Variants in SVIL observed in about 807,000 individuals in gnomAD.
SVIL encodes archvillin.
In SVIL, 101 loss-of-function variants were observed where a neutral mutation model predicts 240.4. The observed-to-expected ratio is 0.42, with a 90% CI of 0.36 to 0.50. The LOEUF (loss-of-function observed/expected upper bound fraction) is 0.50. SVIL is among the 20% of genes least tolerant of loss of function. The pLI is 0.01. For synonymous variants in SVIL, 999 were observed against 1,100.0 expected (o/e 0.91, Z 1.82); for missense variants, 2,512 against 2,818.7 (o/e 0.89, Z 2.46).
Position 29,634,950 on chromosome 10 carries a change from G to A in SVIL, c.-731C>T, listed in dbSNP as rs1403040818. 6.6e-6 allele frequency: 1 copy of A among 152,174 alleles called. No individual in the cohort carries two copies. The highest frequency in any genetic ancestry group is 1.5e-5 in the Non-Finnish European group (1 of 68,054). 9.4% of individuals were successfully genotyped at this position (152,174 alleles called of 1,614,324 possible). A position where few individuals can be genotyped will look rare whatever the true frequency, so the allele number is the denominator to read the frequency against. On this transcript the variant is annotated 5_prime_UTR_variant, in exon 1 of 38. Coordinates refer to ENST00000355867, the MANE Select transcript of SVIL (RefSeq NM_021738.3). ...TGAAACCTGAGGACACTTCAGCCTG[G>A]GGAGGACGCAGTCAGAGCAGTGAAG... is the stretch of plus-strand genomic sequence containing the variant.
chr10:29,586,893 G>C (rs939836326), intron 1 of SVIL, among the ~76,000 whole-genome samples: 1 of 152,196 alleles, frequency 6.6e-6, no homozygotes, highest in South Asian at 2.1e-4. Flanking sequence ...GCCTTTCGCA[G>C]GGTGGAGGGT....
At chr10:29,643,725 G>A (rs1174879362) in intron 3 of SVIL, among the ~76,000 whole-genome samples, 1 of 152,042 alleles carries the variant, frequency 6.6e-6, no homozygotes, top group East Asian at 1.9e-4. Flanking sequence ...AAAGCTTTTG[G>A]AGAACTTTAC....
intron 1 of SVIL, among the ~76,000 whole-genome samples, chr10:29,603,528 T>TTATGA (rs111320216): frequency 0.44 from 66,717 of 151,658 alleles, 15,819 homozygotes; most frequent in Non-Finnish European, 0.52. Context: ...CTCCCAAGAA[T>TTATGA]TATAATTTAT....
intron 1 of SVIL, among the ~76,000 whole-genome samples, chr10:29,721,112 T>C (rs1462785924): frequency 6.6e-6 from 1 of 152,152 alleles, no homozygotes; most frequent in Non-Finnish European, 1.5e-5. Context: ...CCTCCCAAAG[T>C]GCTAAGATTA....
In SVIL at chr10:29,681,406, GGTGT is replaced by G. The variant is rs55839039; in HGVS notation, c.-301+5143_-301+5146del. Among the ~76,000 whole-genome samples, 250 of 134,976 alleles carry G rather than the reference GGTGT, an allele frequency of 1.9e-3. 1 individual carries two copies. The highest frequency in any genetic ancestry group is 5.5e-3 in the African/African-American group (195 of 35,580). 88.5% of individuals were successfully genotyped at this position (134,976 alleles called of 152,430 possible). A position where few individuals can be genotyped will look rare whatever the true frequency, so the allele number is the denominator to read the frequency against. Reference sequence around the variant, plus strand: ...GCATGATGACCTCTAAAGATGGAATGGTGTGTGTGTGTGTGTGTGTGTGTGTGTG... The same window carrying G: ...GCATGATGACCTCTAAAGATGGAATGGTGTGTGTGTGTGTGTGTGTGTGTG... On this transcript the variant is annotated intron_variant, in intron 2 of 35. Coordinates refer to the SVIL transcript ENST00000375400.
At chr10:29,697,164 C>G (rs1194553789) in intron 1 of SVIL, among the ~76,000 whole-genome samples, 2 of 90,374 alleles carry the variant, frequency 2.2e-5, no homozygotes, top group Non-Finnish European at 2.3e-5. Flanking sequence ...CGCCCCCTCC[C>G]GGCCAGCCGC....
chr10:29,519,361 C>T (rs540525265), intron 16 of SVIL, among the ~76,000 whole-genome samples: 8 of 152,158 alleles, frequency 5.3e-5, no homozygotes, highest in Admixed American at 2.6e-4. Flanking sequence ...TGGAGGCTAC[C>T]GGAGCCGAAT....
rs1945425686 is a variant in SVIL at position 29,470,364 on chromosome 10, T to G, written c.5755A>C (p.Lys1919Gln). The stretch of plus-strand genomic sequence containing the variant: ...CCGTGCCACAGGTAGATGAGGGCCT[T>G]GTTGACGTTAAGCACCACCATGGAA... ...RTSMVVLNVN[K>Q]ALIYLWHGCK... The change falls in exon 32 of 38, where the codon AAG (lysine) becomes CAG (glutamine). Residue 1919 changes from lysine (K) to glutamine (Q), a missense_variant. This residue lies in a region of SVIL where 797 missense variants were observed against 925.3 expected (regional missense o/e 0.86). Coordinates refer to ENST00000355867, the MANE Select transcript of SVIL (RefSeq NM_021738.3). The G allele has an allele frequency of 6.2e-7, 1 of 1,614,178 alleles. No homozygotes were observed. The highest frequency in any genetic ancestry group is 8.5e-7 in the Non-Finnish European group (1 of 1,180,024).
chr10:29,493,525 C>T, intron 20 of SVIL, 134 bp from the exon 21 acceptor site: 2 of 956,978 alleles, frequency 2.1e-6, no homozygotes, highest in Non-Finnish European at 3.1e-6. Context: ...TATACAGGGT[C>T]CTGTGGTTGC....
At position 29,523,958 on chromosome 10, in the gene SVIL, C is replaced by CATACATTGGCATA; in HGVS notation, c.2655_2656insTATGCCAATGTAT (p.Val886TyrfsTer20). The CATACATTGGCATA allele has an allele frequency of 6.2e-7, 1 of 1,614,132 alleles. No homozygotes were observed. Among genetic ancestry groups the CATACATTGGCATA allele is most frequent in the Non-Finnish European group, 8.5e-7 (1 of 1,180,026 alleles). ...AGATCTCCGGCATACATTGGAGCAA[C>CATACATTGGCATA]CGTGGATGCTACGGTAGACACTGAT... On this transcript the variant is annotated frameshift_variant, in exon 15 of 38. Transcript: ENST00000355867. LOFTEE classifies it high-confidence loss of function.
chr10:29,702,818 C>T (rs1186037959), intron 1 of SVIL, among the ~76,000 whole-genome samples: 1 of 152,174 alleles, frequency 6.6e-6, no homozygotes, highest in East Asian at 1.9e-4. Flanking sequence ...CAACACTCAG[C>T]CCATCATAGA....
intron 1 of SVIL, among the ~76,000 whole-genome samples, chr10:29,696,600 C>T (rs900032550): frequency 2.7e-5 from 4 of 150,322 alleles, no homozygotes; most frequent in East Asian, 2.1e-4. Flanking sequence ...GCCTCTGCCC[C>T]GCCGCCCCGT....
At chr10:29,502,233 T>A (rs1277836968) in intron 17 of SVIL, among the ~76,000 whole-genome samples, 2 of 152,206 alleles carry the variant, frequency 1.3e-5, no homozygotes, top group African/African-American at 2.4e-5. Context: ...GACCCCCTAA[T>A]TGCTGCAATT....
At chr10:29,480,857 C>T (rs777927534) in intron 28 of SVIL, 44 bp from the exon 29 acceptor site, 1 of 1,572,334 alleles carries the variant, frequency 6.4e-7, no homozygotes, top group Non-Finnish European at 8.6e-7. Flanking sequence ...CCTGTTTCTG[C>T]AGCTATTCCT....
Position 29,493,384 on chromosome 10 carries a change from C to T in SVIL, c.3849G>A (p.Gly1283=), listed in dbSNP as rs1564512612. 6.2e-7 allele frequency: 1 copy of T among 1,614,070 alleles called. No individual in the cohort carries two copies. Among genetic ancestry groups the T allele is most frequent in the Non-Finnish European group, 8.5e-7 (1 of 1,179,986 alleles). ...FLRRLNNKVG[G]MHETVLTVTG... ...TGACAGTGAGCACCGTTTCGTGCAT[C>T]CCGCCAACTATCAACAAACAAGCAA... The change falls in exon 21 of 38, where the codon GGG becomes GGA. Residue 1283 remains glycine (G), a synonymous_variant. Transcript: ENST00000355867.
rs368465994 is a variant in SVIL, at chr10:29,511,638, A to G, written c.3516+1097T>C. Among the ~76,000 whole-genome samples the G allele has an allele frequency of 5.1e-4, 78 of 152,372 alleles. No individual in the cohort carries two copies. In the South Asian group the frequency reaches 5.2e-3, roughly 10 times the overall value. On this transcript the variant is annotated intron_variant, in intron 17 of 37. Coordinates refer to ENST00000355867, the MANE Select transcript of SVIL (RefSeq NM_021738.3). ...GTGTGTGAAAAATATGCACATGCAT[A>G]TACTTTCTAAATATCTAGTTATATT...
At chr10:29,654,696 A>C (rs757532237) in intron 3 of SVIL, among the ~76,000 whole-genome samples, 33 of 152,284 alleles carry the variant, frequency 2.2e-4, no homozygotes, top group Middle Eastern at 3.4e-3. Context: ...GTTGTCCTCA[A>C]GTTGGACAAC....
At chr10:29,594,668 C>A (rs1457837628) in intron 1 of SVIL, among the ~76,000 whole-genome samples, 1 of 151,928 alleles carries the variant, frequency 6.6e-6, no homozygotes, top group African/African-American at 2.4e-5. Flanking sequence ...GTGACCCTCC[C>A]ACCTCAGCCT....
chr10:29,462,125 A>G, intron 36 of SVIL, 152 bp downstream of exon 36: 1 of 1,024,610 alleles, frequency 9.8e-7, no homozygotes, highest in Non-Finnish European at 1.4e-6. Flanking sequence ...TCTTCTTCCT[A>G]AGCAAATTCT....
Sources: gnomAD v4.1 joint callset for allele counts (sites outside exome capture counted in the v4.1 genomes callset) on GRCh38, gnomAD v4.1.1 for gene constraint, gnomAD v4.1.1 regional missense constraint, MANE v1.5 for transcripts, NCBI Gene and HGNC (gene_info 2026-07-23, HGNC 2026-07-21) for gene names.